Variants in DLC1 observed in about 807,000 individuals in gnomAD.
DLC1 encodes DLC1 Rho GTPase activating protein, also known as rho GTPase-activating protein 7.
Under a neutral mutation model 140.3 loss-of-function variants are expected in DLC1, and 54 were observed. That is an observed-to-expected ratio of 0.38 (90% CI 0.31 to 0.48). DLC1 has a LOEUF of 0.48. DLC1 is among the 20% of genes least tolerant of loss of function. The probability of loss-of-function intolerance (pLI) is 0.96; values close to 1 mark genes in which losing one functional copy is unlikely to be tolerated. For missense variants in DLC1, 2,536 were observed against 1,907.0 expected (o/e 1.33, Z -6.14); for synonymous variants, 986 against 728.1 (o/e 1.35, Z -5.70).
chr8:13,418,799 T>C (rs977367352), intron 2 of DLC1, among the ~76,000 whole-genome samples: 4 of 152,158 alleles, frequency 2.6e-5, no homozygotes, highest in African/African-American at 9.7e-5. Flanking sequence ...ATAAATTACC[T>C]TGGGCAGTGT....
chr8:13,435,848 T>A (rs1352975883), intron 2 of DLC1, among the ~76,000 whole-genome samples: 3 of 151,986 alleles, frequency 2.0e-5, no homozygotes, highest in Non-Finnish European at 4.4e-5. Flanking sequence ...AAAGGAAGAG[T>A]CTATCAATGC....
chr8:13,552,514 G>T (rs1803900925), intron 1 of DLC1, among the ~76,000 whole-genome samples: 1 of 151,074 alleles, frequency 6.6e-6, no homozygotes, highest in African/African-American at 2.4e-5. Flanking sequence ...TATGATAGAA[G>T]TATCAGCTGT....
intron 5 of DLC1, chr8:13,116,255 A>G (rs1820550470): frequency 4.1e-6 from 4 of 984,358 alleles, no homozygotes; most frequent in East Asian, 2.3e-4. Flanking sequence ...AAATCCCACA[A>G]TCTTGGCAGG....
At chr8:13,453,387 GATATATATATATATGTGTATAT>G (rs1437826972) in intron 2 of DLC1, among the ~76,000 whole-genome samples, 2 of 52,454 alleles carry the variant, frequency 3.8e-5, no homozygotes, top group Non-Finnish European at 6.7e-5. Context: ...GATGGCCCAG[GATATATATATATATGTGTATAT>G]ATATATATAT....
At chr8:13,391,495 T>C (rs1387351293) in intron 4 of DLC1, among the ~76,000 whole-genome samples, 1 of 152,170 alleles carries the variant, frequency 6.6e-6, no homozygotes, top group African/African-American at 2.4e-5. Context: ...TGTGGGGTGG[T>C]CAATTGATGG....
At chr8:13,374,587 C>T (rs900067864) in intron 4 of DLC1, among the ~76,000 whole-genome samples, 16 of 152,140 alleles carry the variant, frequency 1.1e-4, no homozygotes, top group Non-Finnish European at 1.3e-4. Context: ...GTTTGAGACC[C>T]GCGTGGCCAA....
chr8:13,381,431 T>A (rs531067602), intron 4 of DLC1, among the ~76,000 whole-genome samples: 59 of 152,308 alleles, frequency 3.9e-4, no homozygotes, highest in African/African-American at 1.4e-3. Context: ...GGTAGATATG[T>A]CTGGTAGAGT....
At chr8:13,190,292 T>G (rs1207071975) in intron 5 of DLC1, among the ~76,000 whole-genome samples, 1 of 152,012 alleles carries the variant, frequency 6.6e-6, no homozygotes, top group Non-Finnish European at 1.5e-5. Context: ...ATTGCAGGCT[T>G]TGGAGATATC....
chr8:13,207,815 G>A (rs578048464), intron 5 of DLC1, among the ~76,000 whole-genome samples: 224 of 152,222 alleles, frequency 1.5e-3, no homozygotes, highest in African/African-American at 5.3e-3. Context: ...AGTTCTCCAC[G>A]ACAAAGAATT....
intron 4 of DLC1, among the ~76,000 whole-genome samples, chr8:13,325,077 G>A (rs117887110): frequency 0.017 from 2,542 of 152,320 alleles, 41 homozygotes; most frequent in Middle Eastern, 0.075. Flanking sequence ...AAAGGTACTG[G>A]AGGTAAAGCT....
intron 5 of DLC1, among the ~76,000 whole-genome samples, chr8:13,229,639 A>G (rs1322796489): frequency 6.6e-6 from 1 of 151,152 alleles, no homozygotes; most frequent in African/African-American, 2.5e-5. Flanking sequence ...GAGAAGAAGG[A>G]AGAGAGAGAG....
At chr8:13,158,626 G>C (rs982506925) in intron 5 of DLC1, among the ~76,000 whole-genome samples, 3 of 151,884 alleles carry the variant, frequency 2.0e-5, no homozygotes, top group Non-Finnish European at 4.4e-5. Flanking sequence ...TTTAAAGGGA[G>C]GGACAGATAC....
intron 5 of DLC1, among the ~76,000 whole-genome samples, chr8:13,234,417 G>C (rs185053833): frequency 5.3e-5 from 8 of 152,198 alleles, no homozygotes; most frequent in African/African-American, 1.9e-4. Context: ...CCTATTTCCT[G>C]TTTACACAAA....
intron 2 of DLC1, among the ~76,000 whole-genome samples, chr8:13,443,117 C>T (rs921242337): frequency 6.7e-6 from 1 of 149,860 alleles, no homozygotes; most frequent in Non-Finnish European, 1.5e-5. Context: ...AAAAACCAAA[C>T]ACTGCATGTT....
At chr8:13,183,853 C>G (rs1274726589) in intron 5 of DLC1, among the ~76,000 whole-genome samples, 1 of 152,152 alleles carries the variant, frequency 6.6e-6, no homozygotes, top group Non-Finnish European at 1.5e-5. Flanking sequence ...GGAGGATTCC[C>G]TCTTTTCTAT....
intron 5 of DLC1, among the ~76,000 whole-genome samples, chr8:13,219,382 A>ACATTTCATGTAAT (rs879539705): frequency 2.1e-5 from 1 of 46,806 alleles, no homozygotes; most frequent in South Asian, 5.5e-4. Context: ...TTATATAATT[A>ACATTTCATGTAAT]TATTTCATAT....
intron 2 of DLC1, among the ~76,000 whole-genome samples, chr8:13,426,417 AT>A (rs1489687675): frequency 6.6e-6 from 1 of 152,180 alleles, no homozygotes; most frequent in Admixed American, 6.5e-5. Flanking sequence ...TAGTAATTGA[AT>A]ACCAACATCT....
chr8:13,091,405 G>A lies in DLC1; in HGVS notation c.3768C>T (p.Gly1256=). 6.2e-7 allele frequency: 1 copy of A among 1,614,036 alleles called. No individual in the cohort carries two copies. The highest frequency in any genetic ancestry group is 8.5e-7 in the Non-Finnish European group (1 of 1,179,996). The change falls in exon 14 of 18, where the codon GGC becomes GGT. Residue 1256 remains glycine (G), a synonymous_variant. Coordinates refer to ENST00000276297, the MANE Select transcript of DLC1 (RefSeq NM_182643.3). The part of the protein sequence containing the change: ...PRVMQRKQSL[G]KPDQKDLNEN... Reference sequence around the variant, plus strand: ...CATTCAAATCTTTCTGATCTGGTTTGCCCAAACTTTGTTTTCTTTGCATTA... The same window carrying A: ...CATTCAAATCTTTCTGATCTGGTTTACCCAAACTTTGTTTTCTTTGCATTA...
At chr8:13,237,606 G>T (rs1257631408) in intron 5 of DLC1, among the ~76,000 whole-genome samples, 2 of 151,792 alleles carry the variant, frequency 1.3e-5, no homozygotes, top group African/African-American at 4.8e-5. Context: ...TTATCCCTCA[G>T]CCCCCTCCCT....
Sources: gnomAD v4.1 joint callset for allele counts (sites outside exome capture counted in the v4.1 genomes callset) on GRCh38, gnomAD v4.1.1 for gene constraint, MANE v1.5 for transcripts, NCBI Gene and HGNC (gene_info 2026-07-23, HGNC 2026-07-21) for gene names.